The following TBC1D8 variants were observed in gnomAD, a reference collection of about 807,000 sequenced individuals.
TBC1D8 encodes TBC1 domain family member 8, also known as BUB2-like protein 1.
In TBC1D8, 65 loss-of-function variants were observed where a neutral mutation model predicts 118.8. The observed-to-expected ratio is 0.55, with a 90% CI of 0.45 to 0.67. The LOEUF is 0.67. Among genes scored for constraint, TBC1D8 ranks in the 30% least tolerant of loss-of-function variants. TBC1D8 has a pLI of 0.00. For missense variants in TBC1D8, 1,376 were observed against 1,471.2 expected (o/e 0.94, Z 1.06); for synonymous variants, 566 against 595.8 (o/e 0.95, Z 0.73).
chr2:101,053,372 C>T (rs1682188962), intron 4 of TBC1D8, among the ~76,000 whole-genome samples: 1 of 152,180 alleles, frequency 6.6e-6, no homozygotes, highest in Admixed American at 6.5e-5. Flanking sequence ...ACACCACGTG[C>T]CAGAAGCCAG....
intron 7 of TBC1D8, 121 bp downstream of exon 7, chr2:101,038,340 G>C (rs1455815182): frequency 8.6e-7 from 1 of 1,157,640 alleles, no homozygotes; most frequent in Non-Finnish European, 1.2e-6. Flanking sequence ...AATGACAGCA[G>C]ACCACACACA....
intron 11 of TBC1D8, among the ~76,000 whole-genome samples, chr2:101,030,535 G>C (rs1261493119): frequency 2.0e-5 from 3 of 152,188 alleles, no homozygotes; most frequent in African/African-American, 7.2e-5. Context: ...TGTGGAGCAA[G>C]CTGAATTCTC....
chr2:101,125,039 G>A (rs1235272767), intron 1 of TBC1D8, among the ~76,000 whole-genome samples: 2 of 152,114 alleles, frequency 1.3e-5, no homozygotes, highest in African/African-American at 4.8e-5. Context: ...CATTTCCTCT[G>A]AGCAAATGAT....
chr2:101,125,622 G>A (rs188807731), intron 1 of TBC1D8, among the ~76,000 whole-genome samples: 6 of 152,234 alleles, frequency 3.9e-5, no homozygotes, highest in African/African-American at 9.6e-5. Flanking sequence ...CAGAAATAAC[G>A]CATGTTAGGC....
At position 101,035,954 on chromosome 2, in the gene TBC1D8, T is replaced by C. The variant is rs1680978412; in HGVS notation, c.1603+64A>G. ...CACATAAACACACGCGCTGCTCGGG[T>C]CCGGGCTGTTCCTGTGTCCATGACA... On this transcript the variant is annotated intron_variant, in intron 9 of 19. Transcript: ENST00000409318. 7 of 1,584,006 alleles carry C rather than the reference T, an allele frequency of 4.4e-6. No individual in the cohort carries two copies. The South Asian group carries it at 7.8e-5, about 18-fold the overall frequency.
At chr2:101,048,373 C>G (rs1271991159) in intron 5 of TBC1D8, among the ~76,000 whole-genome samples, 1 of 152,116 alleles carries the variant, frequency 6.6e-6, no homozygotes, top group Non-Finnish European at 1.5e-5. Flanking sequence ...CATGGGGAGC[C>G]TGGGGCTGAG....
chr2:101,048,910 T>C (rs987080928), intron 5 of TBC1D8, among the ~76,000 whole-genome samples: 5 of 152,214 alleles, frequency 3.3e-5, no homozygotes, highest in Admixed American at 1.3e-4. Flanking sequence ...GTCCTCAAGG[T>C]TCATCCATGT....
chr2:101,133,398 C>T (rs1432948391), intron 1 of TBC1D8, among the ~76,000 whole-genome samples: 2 of 152,146 alleles, frequency 1.3e-5, no homozygotes, highest in African/African-American at 2.4e-5. Context: ...TCCCTCTCTC[C>T]TCTCTTTCCA....
intron 1 of TBC1D8, among the ~76,000 whole-genome samples, chr2:101,104,773 T>C (rs965855241): frequency 3.3e-5 from 5 of 152,118 alleles, no homozygotes; most frequent in African/African-American, 9.7e-5. Flanking sequence ...CCCAGCACTT[T>C]GGAAGGCCAA....
At chr2:101,132,750 G>T (rs1298127946) in intron 1 of TBC1D8, among the ~76,000 whole-genome samples, 1 of 151,662 alleles carries the variant, frequency 6.6e-6, no homozygotes, top group African/African-American at 2.4e-5. Flanking sequence ...CACCATGCCC[G>T]GCTAACTTAT....
intron 1 of TBC1D8, among the ~76,000 whole-genome samples, chr2:101,143,320 G>C (rs763673875): frequency 1.3e-5 from 2 of 151,940 alleles, no homozygotes; most frequent in East Asian, 1.9e-4. Flanking sequence ...CTCGGCCTCC[G>C]AAAGTGCTGG....
At chr2:101,008,912 A>G (rs1166379160) in intron 19 of TBC1D8, among the ~76,000 whole-genome samples, 1 of 152,224 alleles carries the variant, frequency 6.6e-6, no homozygotes, top group Non-Finnish European at 1.5e-5. Flanking sequence ...CTGAAACGCT[A>G]TAAAGTTAGG....
At position 101,007,726 on chromosome 2, in the gene TBC1D8, T is replaced by G; in HGVS notation, c.*95A>C. ...TTAGCCAGATGCCCCATTGGTAAGG[T>G]AGACTGAAATCTCGGTTTAGGGCTG... On this transcript the variant is annotated 3_prime_UTR_variant, in exon 20 of 20. Transcript: ENST00000409318. 1 of 1,302,534 alleles carries G rather than the reference T, an allele frequency of 7.7e-7. No homozygotes were observed. The highest frequency in any genetic ancestry group is 1.9e-4 in the Middle Eastern group (1 of 5,238). 80.7% of individuals were successfully genotyped at this position (1,302,534 alleles called of 1,614,324 possible). A position where few individuals can be genotyped will look rare whatever the true frequency, so the allele number is the denominator to read the frequency against.
intron 1 of TBC1D8, among the ~76,000 whole-genome samples, chr2:101,093,616 G>T (rs966950144): frequency 1.3e-5 from 2 of 151,948 alleles, no homozygotes; most frequent in Non-Finnish European, 2.9e-5. Flanking sequence ...TCAGGAGGCT[G>T]AGGCAGGAGA....
rs187054382 is a variant in TBC1D8 at position 101,038,165 on chromosome 2, G to A, written c.1275+296C>T. On this transcript the variant is annotated intron_variant, in intron 7 of 19. Transcript: ENST00000409318. ...TCTGCAGCTGCCCAACCTCAGGGCC[G>A]ACAAAGCTCCTCTTTTAGCAGGTTA... 3.3e-5 allele frequency among the ~76,000 whole-genome samples: 5 copies of A among 152,282 alleles called. No individual in the cohort carries two copies. The East Asian group carries it at 7.7e-4, about 24-fold the overall frequency.
intron 2 of TBC1D8, among the ~76,000 whole-genome samples, chr2:101,075,737 CT>C (rs1463647297): frequency 1.3e-5 from 2 of 152,174 alleles, no homozygotes; most frequent in African/African-American, 4.8e-5. Context: ...AATTAAACCT[CT>C]TTCCTTTATA....
intron 1 of TBC1D8, among the ~76,000 whole-genome samples, chr2:101,113,119 T>C (rs987650394): frequency 1.1e-4 from 16 of 152,206 alleles, no homozygotes; most frequent in African/African-American, 3.9e-4. Context: ...GAACCAGTTA[T>C]AAAGAATATC....
At chr2:101,038,429 A>G (rs1220299969) in intron 7 of TBC1D8, 32 bp downstream of exon 7, 1 of 1,602,466 alleles carries the variant, frequency 6.2e-7, no homozygotes, top group Non-Finnish European at 8.5e-7. Flanking sequence ...AGACATGAAG[A>G]AGGGGATCAT....
At chr2:101,050,792 G>T (rs928353424) in intron 4 of TBC1D8, among the ~76,000 whole-genome samples, 151 bp from the exon 5 acceptor site, 2 of 152,178 alleles carry the variant, frequency 1.3e-5, no homozygotes, top group Non-Finnish European at 2.9e-5. Context: ...AGGGATACAC[G>T]TGCAGGTTTG....
Sources: allele counts gnomAD v4.1 joint callset (sites outside exome capture counted in the v4.1 genomes callset), GRCh38; gene constraint gnomAD v4.1.1; transcripts MANE v1.5; gene names NCBI Gene and HGNC (gene_info 2026-07-23, HGNC 2026-07-21).